COG7: variants seen among roughly 807,000 people sequenced by gnomAD.
COG7 encodes the protein conserved oligomeric Golgi complex subunit 7.
Under a neutral mutation model 91.5 loss-of-function variants are expected in COG7, and 49 were observed. The observed-to-expected ratio is 0.54, with a 90% CI of 0.43 to 0.68. COG7 has a LOEUF of 0.68. COG7 is among the 30% of genes least tolerant of loss of function. COG7 has a pLI of 0.00. For synonymous variants in COG7, 365 were observed against 388.7 expected, an observed-to-expected ratio of 0.94 and a Z score of 0.72; for missense variants, 895 against 961.3, an observed-to-expected ratio of 0.93 and a Z score of 0.91.
rs184824971 is a variant in COG7 at position 23,441,077 on chromosome 16, T to A, written c.604+1400A>T. Among the ~76,000 whole-genome samples, 17 of 151,612 alleles carry A rather than the reference T, an allele frequency of 1.1e-4. No individual in the cohort carries two copies. In the East Asian group the frequency reaches 1.6e-3, roughly 14 times the overall value. On this transcript the variant is annotated intron_variant, in intron 4 of 16. Transcript: ENST00000307149. ...GAACAAATAAAACAGAAAAAAAAAATTTTTAAGGAAGGTGATTTTCTATAA... is the reference window on the plus strand; with the variant it reads ...GAACAAATAAAACAGAAAAAAAAAAATTTTAAGGAAGGTGATTTTCTATAA...
intron 11 of COG7, among the ~76,000 whole-genome samples, chr16:23,409,088 T>TGTGTGTGTGTGTGTGCGC (rs567307217): frequency 0.023 from 3,386 of 147,774 alleles, 55 homozygotes; most frequent in East Asian, 0.067. Context: ...TGTGTGTGTG[T>TGTGTGTGTGTGTGTGCGC]GCGTGCATGT....
chr16:23,446,229 C>T (rs2142096646), intron 1 of COG7, among the ~76,000 whole-genome samples: 1 of 152,254 alleles, frequency 6.6e-6, no homozygotes, highest in East Asian at 1.9e-4. Flanking sequence ...GTCCCAACAC[C>T]AACTTGCCAC....
chr16:23,414,858 G>A (rs1420579418), intron 9 of COG7: 1 of 152,158 alleles, frequency 6.6e-6, no homozygotes, highest in Non-Finnish European at 1.5e-5. Flanking sequence ...TGAAAGCTAC[G>A]AAACCTGTGA....
chr16:23,398,967 CA>C (rs1404428947), intron 13 of COG7, among the ~76,000 whole-genome samples: 1 of 152,180 alleles, frequency 6.6e-6, no homozygotes, highest in Non-Finnish European at 1.5e-5. Flanking sequence ...CACCTTCACA[CA>C]AAAATCTCGC....
rs1375020199 is a variant in COG7 at position 23,392,520 on chromosome 16, T to A, written c.2006A>T (p.Asp669Val). Residue 669 changes from aspartate to valine, a missense_variant, in exon 16 of 17, where the codon GAT becomes GTT. Transcript: ENST00000307149. ...CATGTTGTCCAGCTCGGGCAATTCA[T>A]CCCCTGAAAAGAAAAGGAGGTCACC... Reference protein sequence around the residue: ...GKLPFPPEQGDELPELDNMAD... With the variant: ...GKLPFPPEQGVELPELDNMAD... The A allele has an allele frequency of 2.5e-6, 4 of 1,614,056 alleles. No homozygotes were observed. The highest frequency in any genetic ancestry group is 3.4e-6 in the Non-Finnish European group (4 of 1,180,012).
intron 9 of COG7, chr16:23,414,365 A>T (rs188422026): frequency 4.6e-5 from 7 of 152,416 alleles, no homozygotes; most frequent in East Asian, 1.9e-4. Flanking sequence ...GTGGTAGCTC[A>T]TGCCTGTAAT....
intron 3 of COG7, among the ~76,000 whole-genome samples, chr16:23,443,147 G>A (rs1964129264): frequency 6.6e-6 from 1 of 152,170 alleles, no homozygotes; most frequent in Non-Finnish European, 1.5e-5. Flanking sequence ...AATAGCTATT[G>A]TTGGTGAGGG....
chr16:23,417,128 A>G lies in COG7; in HGVS notation c.1138-7T>C. On this transcript the variant is annotated splice_region_variant and splice_polypyrimidine_tract_variant and intron_variant, in intron 8 of 16. Transcript: ENST00000307149. ...CAATCACTTCCCCATGCTCCTGGTC[A>G]GCAAATACAGACAAAGCTGCATTAG... 1.9e-6 allele frequency: 3 copies of G among 1,614,242 alleles called. No individual in the cohort carries two copies. Among genetic ancestry groups the G allele is most frequent in the Non-Finnish European group, 2.5e-6 (3 of 1,180,030 alleles).
chr16:23,442,679 A>T (rs1964120541), intron 3 of COG7, 34 bp from the exon 4 acceptor site: 5 of 1,573,636 alleles, frequency 3.2e-6, no homozygotes, highest in Non-Finnish European at 4.4e-6. Flanking sequence ...TATTTATTTT[A>T]AATGATCCCT....
intron 10 of COG7, among the ~76,000 whole-genome samples, chr16:23,410,862 C>G (rs562084014): frequency 6.6e-6 from 1 of 152,080 alleles, no homozygotes; most frequent in East Asian, 1.9e-4. Context: ...CACGCCACCA[C>G]GCCTGGCTAA....
rs560893684 is a variant in COG7, at chr16:23,442,663, A to G, written c.436-18T>C. 1.9e-5 allele frequency: 31 copies of G among 1,605,430 alleles called. No individual in the cohort carries two copies. The South Asian group carries it at 3.4e-4, about 18-fold the overall frequency. Reference sequence around the variant, plus strand: ...GCTATGTCCTAGAAAAGACCAGAATAGAGAATATTTATTTTAAATGATCCC... The same window carrying G: ...GCTATGTCCTAGAAAAGACCAGAATGGAGAATATTTATTTTAAATGATCCC... On this transcript the variant is annotated intron_variant, in intron 3 of 16. Transcript: ENST00000307149.
intron 6 of COG7, among the ~76,000 whole-genome samples, chr16:23,428,383 T>C (rs1159223624): frequency 6.6e-6 from 1 of 151,320 alleles, no homozygotes; most frequent in Non-Finnish European, 1.5e-5. Flanking sequence ...AAAAACCTGC[T>C]ACAACTCAAT....
intron 11 of COG7, among the ~76,000 whole-genome samples, chr16:23,407,364 G>C (rs1254948578): frequency 6.6e-6 from 1 of 152,192 alleles, no homozygotes; most frequent in African/African-American, 2.4e-5. Flanking sequence ...TTCTTGTCTG[G>C]ATCACAGCAG....
intron 13 of COG7, among the ~76,000 whole-genome samples, chr16:23,398,377 G>A (rs1015429905): frequency 1.3e-5 from 2 of 152,218 alleles, no homozygotes; most frequent in Admixed American, 1.3e-4. Flanking sequence ...AACAGGAACT[G>A]CCACATTGGC....
At chr16:23,399,165 TCCCAGCCCAGGCTCAGCCTC>T in intron 13 of COG7, among the ~76,000 whole-genome samples, 1 of 152,126 alleles carries the variant, frequency 6.6e-6, no homozygotes, top group East Asian at 1.9e-4. Context: ...AACCCTGGGC[TCCCAGCCCAGGCTCAGCCTC>T]GGCAGCCCTC....
intron 4 of COG7, among the ~76,000 whole-genome samples, chr16:23,435,350 G>A (rs958678565): frequency 6.6e-6 from 1 of 152,166 alleles, no homozygotes; most frequent in Non-Finnish European, 1.5e-5. Context: ...CTGGCCAACA[G>A]AGCAAGACTC....
intron 1 of COG7, among the ~76,000 whole-genome samples, chr16:23,446,289 T>C (rs1299279453): frequency 6.6e-6 from 1 of 152,050 alleles, no homozygotes; most frequent in Non-Finnish European, 1.5e-5. Context: ...CCCAGGAGCT[T>C]TGCATACATC....
At chr16:23,393,198 G>T in intron 15 of COG7, 35 bp downstream of exon 15, 2 of 1,491,286 alleles carry the variant, frequency 1.3e-6, no homozygotes, top group South Asian at 2.3e-5. Context: ...CTGACAGCTT[G>T]ACTTGTAACA....
At chr16:23,392,102 G>C in intron 16 of COG7, 1 of 1,337,490 alleles carries the variant, frequency 7.5e-7, no homozygotes, top group Non-Finnish European at 9.6e-7. Flanking sequence ...GTGGGGCCAG[G>C]CTGCAGGACT....
Sources: gnomAD v4.1 joint callset for allele counts (sites outside exome capture counted in the v4.1 genomes callset) on GRCh38, gnomAD v4.1.1 for gene constraint, MANE v1.5 for transcripts, NCBI Gene and HGNC (gene_info 2026-07-23, HGNC 2026-07-21) for gene names.